The following CDK11B variants were observed in gnomAD, a reference collection of about 807,000 sequenced individuals.
CDK11B encodes cyclin-dependent kinase 11B.
A neutral mutation model predicts 84.0 loss-of-function variants in CDK11B; 37 were observed. That is an observed-to-expected ratio of 0.44 (90% confidence interval 0.34 to 0.58). The LOEUF is 0.58. Ranked by LOEUF, CDK11B falls within the 20% of genes least tolerant of loss-of-function variation. The pLI is 0.02. For missense variants in CDK11B, 427 were observed against 834.0 expected, an observed-to-expected ratio of 0.51 and a Z score of 6.01; for synonymous variants, 269 against 309.8, an observed-to-expected ratio of 0.87 and a Z score of 1.38.
chr1:1,651,003 T>C (rs1368711013), intron 4 of CDK11B, among the ~76,000 whole-genome samples: 3 of 152,202 alleles, frequency 2.0e-5, no homozygotes, highest in Non-Finnish European at 4.4e-5. Context: ...TCACAAAGAC[T>C]ACAGAACAAA....
chr1:1,649,845 G>A (rs1483283890), intron 4 of CDK11B, among the ~76,000 whole-genome samples: 1 of 151,556 alleles, frequency 6.6e-6, no homozygotes, highest in African/African-American at 2.4e-5. Context: ...CGTGGTGGCA[G>A]GCACCTGTAA....
chr1:1,650,079 G>T (rs1386670547), intron 4 of CDK11B, among the ~76,000 whole-genome samples: 2 of 150,858 alleles, frequency 1.3e-5, no homozygotes, highest in Non-Finnish European at 2.9e-5. Context: ...GACCATCCTG[G>T]CTAACACGGT....
At position 1,636,858 on chromosome 1, in the gene CDK11B, G is replaced by A. The variant is rs370338809; in HGVS notation, c.1800+39C>T. 9.7e-4 allele frequency: 1,564 copies of A among 1,611,738 alleles called. 13 individuals carry two copies. The highest frequency in any genetic ancestry group is 8.3e-3 in the African/African-American group (620 of 74,786). Reference sequence around the variant, plus strand: ...TGCCCGCGAAGCTGTGGGAGGCTGCGTGGGGGACAGGGGAGGCACTCAGAC... The same window carrying A: ...TGCCCGCGAAGCTGTGGGAGGCTGCATGGGGGACAGGGGAGGCACTCAGAC... On this transcript the variant is annotated intron_variant, in intron 16 of 19. Coordinates refer to ENST00000341832, the MANE Select transcript of CDK11B (RefSeq NM_033486.3).
rs776299200 is a variant in CDK11B, at chr1:1,636,975, G to A, written c.1722C>T (p.Tyr574=). The change falls in exon 16 of 20, where the codon TAC becomes TAT. Residue 574 remains tyrosine, a synonymous_variant. Coordinates refer to ENST00000341832, the MANE Select transcript of CDK11B (RefSeq NM_033486.3). ...KVGDFGLARE[Y]GSPLKAYTPV... is the part of the protein sequence containing the mutation. ...GGGTGTAGGCCTTCAGAGGGGATCCGTACTCCCGCGCCAGCCCGAAGTCAC... is the reference window on the plus strand; with the variant it reads ...GGGTGTAGGCCTTCAGAGGGGATCCATACTCCCGCGCCAGCCCGAAGTCAC... The A allele has an allele frequency of 3.4e-5, 55 of 1,610,964 alleles. No homozygotes were observed. The South Asian group carries it at 3.6e-4, about 11-fold the overall frequency.
chr1:1,639,614 TA>T (rs2100726096), intron 11 of CDK11B, among the ~76,000 whole-genome samples: 1 of 151,900 alleles, frequency 6.6e-6, no homozygotes, highest in African/African-American at 2.4e-5. Context: ...GCCCGACGCC[TA>T]CGCTCAGCAG....
At chr1:1,657,121 T>C (rs1642859319) in intron 2 of CDK11B, 1 of 1,147,162 alleles carries the variant, frequency 8.7e-7, no homozygotes, top group Non-Finnish European at 1.3e-6. Context: ...GTTTTGCTAA[T>C]GACTTAACAT....
intron 5 of CDK11B, among the ~76,000 whole-genome samples, chr1:1,649,181 G>A (rs12749336): frequency 6.6e-6 from 1 of 152,098 alleles, no homozygotes; most frequent in Admixed American, 6.5e-5. Flanking sequence ...CTCAATGCAA[G>A]CTCCACCTTC....
intron 3 of CDK11B, among the ~76,000 whole-genome samples, chr1:1,653,572 C>T (rs1436824376): frequency 6.6e-6 from 1 of 151,986 alleles, no homozygotes. Context: ...CCACCTGCCT[C>T]AGTCTCTCAA....
intron 11 of CDK11B, among the ~76,000 whole-genome samples, chr1:1,639,622 G>A (rs1344137994): frequency 2.0e-5 from 3 of 151,848 alleles, no homozygotes; most frequent in Non-Finnish European, 4.4e-5. Flanking sequence ...CCTACGCTCA[G>A]CAGCACTAAG....
chr1:1,651,653 C>T (rs1471498784), intron 4 of CDK11B, among the ~76,000 whole-genome samples: 51,822 of 136,208 alleles, frequency 0.38, 11,350 homozygotes, highest in Non-Finnish European at 0.51. Context: ...CCCTTCTGAA[C>T]GGTCTGTGAC....
At chr1:1,641,841 A>G (rs1178525752) in intron 8 of CDK11B, 21 bp from the exon 9 acceptor site, 1 of 704,852 alleles carries the variant, frequency 1.4e-6, no homozygotes, top group Non-Finnish European at 2.3e-6. Flanking sequence ...ACAGCAGAGC[A>G]GAGGGTGAAC....
intron 5 of CDK11B, among the ~76,000 whole-genome samples, chr1:1,647,620 C>T (rs546599686): frequency 1.7e-4 from 26 of 152,372 alleles, no homozygotes; most frequent in African/African-American, 5.5e-4. Flanking sequence ...GCATCTGTGG[C>T]GGCTTCTATT....
At chr1:1,650,580 T>C (rs1237148329) in intron 4 of CDK11B, among the ~76,000 whole-genome samples, 15 of 150,886 alleles carry the variant, frequency 9.9e-5, no homozygotes, top group African/African-American at 3.4e-4. Flanking sequence ...TTAGCCAGGA[T>C]GGTCTTGATG....
intron 4 of CDK11B, among the ~76,000 whole-genome samples, chr1:1,650,360 T>C (rs1570184479): frequency 7.8e-6 from 1 of 128,770 alleles, no homozygotes; most frequent in East Asian, 2.6e-4. Context: ...TCCTAATTTT[T>C]CTTTTTTTTC....
In CDK11B at chr1:1,652,588, C is replaced by A. The variant is rs1425727874; in HGVS notation, c.228-22G>T. The A allele has an allele frequency of 1.0e-5, 14 of 1,398,624 alleles. 1 individual carries two copies. Among genetic ancestry groups the A allele is most frequent in the Non-Finnish European group, 1.3e-5 (14 of 1,073,752 alleles). The allele number at this position is 1,398,624 out of a possible 1,614,324, so 86.6% of individuals were successfully genotyped here. ...TCCTCTGAAATAAAACACAACAGCA[C>A]TGCATCATGCTTGAGAAAGTGCAAA... On this transcript the variant is annotated intron_variant, in intron 3 of 19. Coordinates refer to ENST00000341832, the MANE Select transcript of CDK11B (RefSeq NM_033486.3).
chr1:1,653,625 ACAT>A (rs369967286), intron 3 of CDK11B, among the ~76,000 whole-genome samples: 58 of 152,028 alleles, frequency 3.8e-4, no homozygotes, highest in African/African-American at 1.4e-3. Flanking sequence ...CCAGCCATTC[ACAT>A]CATATTTAAA....
intron 4 of CDK11B, among the ~76,000 whole-genome samples, chr1:1,650,281 A>AAAAAAAAAAAAAAAG (rs1641798674): frequency 1.4e-5 from 2 of 147,414 alleles, no homozygotes; most frequent in African/African-American, 2.5e-5. Flanking sequence ...AAAAAAAAAA[A>AAAAAAAAAAAAAAAG]AAAGAAATTA....
intron 5 of CDK11B, chr1:1,646,847 T>C (rs1402035328): frequency 3.8e-6 from 2 of 519,902 alleles, no homozygotes; most frequent in Non-Finnish European, 3.9e-6. Flanking sequence ...CTGGCCTCCA[T>C]TGTTTCTAAG....
intron 5 of CDK11B, among the ~76,000 whole-genome samples, chr1:1,649,178 C>T: frequency 6.6e-6 from 1 of 152,170 alleles, no homozygotes; most frequent in East Asian, 1.9e-4. Flanking sequence ...CAGCTCAATG[C>T]AAGCTCCACC....
Sources: gnomAD v4.1 joint callset for allele counts (sites outside exome capture counted in the v4.1 genomes callset) on GRCh38, gnomAD v4.1.1 for gene constraint, MANE v1.5 for transcripts, NCBI Gene and HGNC (gene_info 2026-07-23, HGNC 2026-07-21) for gene names.